The following PEX7 variants were observed in gnomAD, a reference collection of about 807,000 sequenced individuals.
PEX7 encodes the protein PTS2 receptor.
In PEX7, 34 loss-of-function variants were observed where a neutral mutation model predicts 47.5. That is an observed-to-expected ratio of 0.72 (90% CI 0.54 to 0.95). The LOEUF (loss-of-function observed/expected upper bound fraction) is 0.95, where lower values mean the gene tolerates loss of function less well. PEX7 is among the 40% of genes least tolerant of loss of function. The pLI is 0.00. For synonymous variants in PEX7, 141 were observed against 148.8 expected, an observed-to-expected ratio of 0.95 and a Z score of 0.38; for missense variants, 394 against 400.3, an observed-to-expected ratio of 0.98 and a Z score of 0.13.
intron 8 of PEX7, among the ~76,000 whole-genome samples, chr6:136,896,309 G>A (rs1403352659): frequency 6.6e-6 from 1 of 152,194 alleles, no homozygotes; most frequent in Admixed American, 6.5e-5. Flanking sequence ...AATGAAGTCA[G>A]AGAGCTAAAT....
rs1244294506 is a variant in PEX7 at position 136,913,778 on chromosome 6, A to G, written c.*252A>G. The G allele has an allele frequency of 5.2e-5, 22 of 424,912 alleles. No homozygotes were observed. The highest frequency in any genetic ancestry group is 1.3e-3 in the Middle Eastern group (2 of 1,566). 26.3% of individuals were successfully genotyped at this position (424,912 alleles called of 1,614,324 possible). On this transcript the variant is annotated 3_prime_UTR_variant, in exon 10 of 10. Coordinates refer to ENST00000318471, the MANE Select transcript of PEX7 (RefSeq NM_000288.4). ...ATGATATATCTTGTAGTATCTATTA[A>G]AATGTCTCTGGGTCATAAAATGGAT...
chr6:136,893,015 A>G (rs555170024), intron 8 of PEX7, among the ~76,000 whole-genome samples: 36 of 152,292 alleles, frequency 2.4e-4, no homozygotes, highest in Non-Finnish European at 4.9e-4. Context: ...CTGATCATAG[A>G]CCGATGTTAA....
At chr6:136,873,284 C>T (rs1775213140) in intron 8 of PEX7, among the ~76,000 whole-genome samples, 1 of 152,100 alleles carries the variant, frequency 6.6e-6, no homozygotes, top group Non-Finnish European at 1.5e-5. Flanking sequence ...ATTTGGCTAC[C>T]CTCCTATCTA....
At chr6:136,832,241 A>G (rs1409246363) in intron 3 of PEX7, among the ~76,000 whole-genome samples, 1 of 152,234 alleles carries the variant, frequency 6.6e-6, no homozygotes, top group East Asian at 1.9e-4. Flanking sequence ...TAGGGCTTGC[A>G]CCCTCAGAAG....
chr6:136,834,589 C>G (rs922044237), intron 3 of PEX7, among the ~76,000 whole-genome samples: 9 of 152,228 alleles, frequency 5.9e-5, no homozygotes, highest in Admixed American at 5.2e-4. Context: ...CATGTCCACA[C>G]AACCAGATGT....
intron 8 of PEX7, among the ~76,000 whole-genome samples, chr6:136,894,936 A>G (rs971287680): frequency 1.3e-5 from 2 of 152,216 alleles, no homozygotes; most frequent in Non-Finnish European, 2.9e-5. Context: ...ATATGATAGT[A>G]TGACTTCTTG....
intron 3 of PEX7, among the ~76,000 whole-genome samples, chr6:136,845,312 C>CA (rs1281014266): frequency 2.0e-5 from 3 of 152,160 alleles, no homozygotes; most frequent in Non-Finnish European, 4.4e-5. Flanking sequence ...CGTGGGGCTG[C>CA]AAACAGTGAT....
intron 9 of PEX7, 99 bp from the exon 10 acceptor site, chr6:136,913,359 G>C: frequency 1.2e-6 from 1 of 807,620 alleles, no homozygotes; most frequent in Non-Finnish European, 2.2e-6. Flanking sequence ...TTTACTAGTG[G>C]ATGATTTACG....
chr6:136,825,378 C>G, intron 2 of PEX7, 107 bp downstream of exon 2: 1 of 949,614 alleles, frequency 1.1e-6, no homozygotes, highest in South Asian at 1.4e-5. Flanking sequence ...ATAAAAGGAA[C>G]CTTGGCGTTT....
At chr6:136,848,750 G>C (rs1455289403) in intron 5 of PEX7, among the ~76,000 whole-genome samples, 2 of 152,144 alleles carry the variant, frequency 1.3e-5, no homozygotes, top group African/African-American at 2.4e-5. Context: ...GATTCAGTTT[G>C]CCAGTATTTT....
At chr6:136,845,305 G>T (rs976798702) in intron 3 of PEX7, among the ~76,000 whole-genome samples, 7 of 152,130 alleles carry the variant, frequency 4.6e-5, no homozygotes, top group East Asian at 1.9e-4. Flanking sequence ...ATTTCTTCGT[G>T]GGGCTGCAAA....
In PEX7 at chr6:136,822,777, C is replaced by G. The variant is rs1774102216; in HGVS notation, c.112C>G (p.Gln38Glu). Residue 38 changes from glutamine to glutamate, a missense_variant, in exon 1 of 10, where the codon CAG (glutamine) becomes GAG (glutamate). Transcript: ENST00000318471. ...GGGCCGCCTGGCCTGCGCCACCGCG[C>G]AGCACTACGGCATCGCGGGTGAGGC... ...LPGRLACATA[Q>E]HYGIAGCGTL... is the part of the protein sequence containing the mutation. The G allele has an allele frequency of 6.9e-7, 1 of 1,440,772 alleles. No homozygotes were observed. The highest frequency in any genetic ancestry group is 9.1e-7 in the Non-Finnish European group (1 of 1,102,566). 89.2% of individuals were successfully genotyped at this position (1,440,772 alleles called of 1,614,324 possible).
chr6:136,825,643 C>T (rs1192264866), intron 2 of PEX7, among the ~76,000 whole-genome samples: 1 of 152,068 alleles, frequency 6.6e-6, no homozygotes, highest in African/African-American at 2.4e-5. Flanking sequence ...AAGTGATTCT[C>T]CTGCCTCAGC....
Position 136,848,196 on chromosome 6 carries a change from G to T in PEX7, c.526+2015G>T, listed in dbSNP as rs1394703577. 2.0e-5 allele frequency among the ~76,000 whole-genome samples: 3 copies of T among 152,284 alleles called. No homozygotes were observed. In the East Asian group the frequency reaches 5.8e-4, roughly 29 times the overall value. ...CTTGTGATTCTTGCACATTGATTTT[G>T]TATCCTGAGACTTTGCTGAAGCTGC... On this transcript the variant is annotated intron_variant, in intron 5 of 9. Coordinates refer to ENST00000318471, the MANE Select transcript of PEX7 (RefSeq NM_000288.4).
intron 2 of PEX7, 102 bp downstream of exon 2, chr6:136,825,373 A>G: frequency 9.9e-7 from 1 of 1,006,666 alleles, no homozygotes; most frequent in Non-Finnish European, 1.5e-6. Flanking sequence ...ACAGTATAAA[A>G]GGAACCTTGG....
At chr6:136,848,391 T>A (rs1344021571) in intron 5 of PEX7, among the ~76,000 whole-genome samples, 2 of 151,932 alleles carry the variant, frequency 1.3e-5, no homozygotes, top group African/African-American at 4.8e-5. Flanking sequence ...TGAATAGGAG[T>A]GGTGAGAGAG....
intron 1 of PEX7, chr6:136,823,420 G>T (rs1157950135): frequency 2.2e-6 from 2 of 917,800 alleles, no homozygotes; most frequent in African/African-American, 1.8e-5. Flanking sequence ...CCCGTCGCGC[G>T]CATTGGCTCA....
At chr6:136,883,822 A>T (rs1775421201) in intron 8 of PEX7, among the ~76,000 whole-genome samples, 1 of 152,226 alleles carries the variant, frequency 6.6e-6, no homozygotes, top group Non-Finnish European at 1.5e-5. Context: ...CTATTCAAAC[A>T]AGCCAAAAAC....
At chr6:136,850,731 T>C (rs1269078980) in intron 5 of PEX7, among the ~76,000 whole-genome samples, 2 of 152,158 alleles carry the variant, frequency 1.3e-5, no homozygotes, top group Non-Finnish European at 2.9e-5. Flanking sequence ...ACGCATCTGC[T>C]TGTCAATGAG....
Sources: gnomAD v4.1 joint callset for allele counts (sites outside exome capture counted in the v4.1 genomes callset) on GRCh38, gnomAD v4.1.1 for gene constraint, MANE v1.5 for transcripts, NCBI Gene and HGNC (gene_info 2026-07-23, HGNC 2026-07-21) for gene names.